Variants in IMMP2L observed in about 807,000 individuals in gnomAD.
The protein encoded by IMMP2L is mitochondrial inner membrane protease subunit 2.
IMMP2L carries 18 observed loss-of-function variants against 19.3 expected under a neutral mutation model. The observed-to-expected ratio is 0.93, with a 90% CI of 0.64 to 1.38. The LOEUF is 1.38. IMMP2L is among the 40% of genes most tolerant of loss of function. The pLI is 0.00. For missense variants in IMMP2L, 233 were observed against 218.2 expected, an observed-to-expected ratio of 1.07 and a Z score of -0.43; for synonymous variants, 76 against 73.0, an observed-to-expected ratio of 1.04 and a Z score of -0.21.
intron 3 of IMMP2L, among the ~76,000 whole-genome samples, chr7:111,447,054 A>C (rs1235199276): frequency 7.0e-6 from 1 of 142,600 alleles, no homozygotes; most frequent in African/African-American, 2.7e-5. Flanking sequence ...ATATGGGACT[A>C]TGTGAAAAGA....
chr7:110,663,332 G>T lies in IMMP2L; in HGVS notation c.*270C>A. The stretch of plus-strand genomic sequence containing the variant: ...AAATTCAGCCCCATTAAGACATGTG[G>T]GTGCAATATTTTTATATTCCCAAAG... On this transcript the variant is annotated 3_prime_UTR_variant, in exon 6 of 6. Coordinates refer to ENST00000405709, the MANE Select transcript of IMMP2L (RefSeq NM_032549.4). 7.1e-6 allele frequency: 2 copies of T among 282,802 alleles called. No individual in the cohort carries two copies. Among genetic ancestry groups the T allele is most frequent in the Non-Finnish European group, 6.6e-6 (1 of 151,406 alleles). The allele number at this position is 282,802 out of a possible 1,614,324, so 17.5% of individuals were successfully genotyped here.
At chr7:111,313,431 C>T (rs986938795) in intron 3 of IMMP2L, among the ~76,000 whole-genome samples, 1 of 151,992 alleles carries the variant, frequency 6.6e-6, no homozygotes, top group Admixed American at 6.6e-5. Flanking sequence ...TGTCACAAAA[C>T]CAAACAATAA....
chr7:111,177,670 C>T (rs1807228800), intron 3 of IMMP2L, among the ~76,000 whole-genome samples: 1 of 152,020 alleles, frequency 6.6e-6, no homozygotes, highest in Non-Finnish European at 1.5e-5. Flanking sequence ...GCAACTAGAA[C>T]CATTGTTATT....
intron 5 of IMMP2L, among the ~76,000 whole-genome samples, chr7:110,867,434 G>A (rs1315775074): frequency 6.6e-6 from 1 of 151,980 alleles, no homozygotes; most frequent in East Asian, 1.9e-4. Context: ...GCATAGCAGT[G>A]AGAAAATGCT....
intron 3 of IMMP2L, among the ~76,000 whole-genome samples, chr7:111,415,729 A>C (rs554142654): frequency 4.6e-5 from 7 of 151,840 alleles, no homozygotes; most frequent in Non-Finnish European, 8.8e-5. Flanking sequence ...TGAGAATAAA[A>C]TGCAACAACA....
chr7:111,133,969 C>T (rs1398087769), intron 3 of IMMP2L, among the ~76,000 whole-genome samples: 1 of 151,978 alleles, frequency 6.6e-6, no homozygotes, highest in African/African-American at 2.4e-5. Flanking sequence ...CAAAATGTCA[C>T]TCCAGCTTTC....
Position 111,410,949 on chromosome 7 carries a change from A to T in IMMP2L, c.239+76289T>A, listed in dbSNP as rs184532462. Among the ~76,000 whole-genome samples the T allele has an allele frequency of 6.6e-5, 10 of 151,728 alleles. No individual in the cohort carries two copies. The East Asian group carries it at 1.7e-3, about 26-fold the overall frequency. On this transcript the variant is annotated intron_variant, in intron 3 of 5. Transcript: ENST00000405709. Reference sequence around the variant, plus strand: ...ATAATTCAAGCACTAAAATAAGAGGAAAGAGGTCAAGAAAATATTTAAAGA... The same window carrying T: ...ATAATTCAAGCACTAAAATAAGAGGTAAGAGGTCAAGAAAATATTTAAAGA...
At chr7:110,796,122 A>T (rs751522699) in intron 5 of IMMP2L, among the ~76,000 whole-genome samples, 18 of 151,962 alleles carry the variant, frequency 1.2e-4, no homozygotes, top group Non-Finnish European at 1.9e-4. Flanking sequence ...GTGAAGAAGG[A>T]TGTGTTTGTT....
chr7:110,922,044 C>A (rs1814353727), intron 4 of IMMP2L, among the ~76,000 whole-genome samples: 1 of 152,164 alleles, frequency 6.6e-6, no homozygotes, highest in Non-Finnish European at 1.5e-5. Flanking sequence ...ACATTAACAG[C>A]CACAGTATTT....
At chr7:111,407,525 A>C (rs1834002566) in intron 3 of IMMP2L, among the ~76,000 whole-genome samples, 1 of 152,096 alleles carries the variant, frequency 6.6e-6, no homozygotes, top group Admixed American at 6.6e-5. Context: ...CCTCAGAAAC[A>C]TTACACTCAG....
intron 5 of IMMP2L, among the ~76,000 whole-genome samples, chr7:110,770,952 C>T (rs1159970825): frequency 6.6e-6 from 1 of 152,106 alleles, no homozygotes. Flanking sequence ...TTACATAGCA[C>T]TTGCTCTGTG....
chr7:111,206,620 C>T (rs1344025820), intron 3 of IMMP2L, among the ~76,000 whole-genome samples: 1 of 151,986 alleles, frequency 6.6e-6, no homozygotes, highest in Non-Finnish European at 1.5e-5. Flanking sequence ...AATGGAATTA[C>T]CTCAAGCATT....
chr7:110,889,979 T>C (rs1031655358), intron 4 of IMMP2L, among the ~76,000 whole-genome samples: 1 of 152,212 alleles, frequency 6.6e-6, no homozygotes, highest in Non-Finnish European at 1.5e-5. Context: ...CAGAACCCAA[T>C]AAATGGTAGT....
At chr7:110,962,967 T>C in intron 4 of IMMP2L, 1 of 1,461,280 alleles carries the variant, frequency 6.8e-7, no homozygotes, top group Non-Finnish European at 9.0e-7. Flanking sequence ...GCAAGTACAA[T>C]AAATACGACA....
intron 3 of IMMP2L, among the ~76,000 whole-genome samples, chr7:111,299,792 T>C (rs1365590941): frequency 6.6e-6 from 1 of 152,052 alleles, no homozygotes; most frequent in African/African-American, 2.4e-5. Flanking sequence ...TACTTGCATA[T>C]GGTCTGTTTA....
At chr7:111,056,261 C>G (rs535155534) in intron 3 of IMMP2L, among the ~76,000 whole-genome samples, 6 of 152,310 alleles carry the variant, frequency 3.9e-5, no homozygotes, top group African/African-American at 1.4e-4. Context: ...AAACACTACA[C>G]TAATGACCTT....
intron 3 of IMMP2L, among the ~76,000 whole-genome samples, chr7:111,142,363 A>G (rs1701852863): frequency 6.7e-6 from 1 of 148,986 alleles, no homozygotes; most frequent in Admixed American, 6.7e-5. Context: ...AAAGAAAGAA[A>G]GAAAGAATAG....
chr7:111,174,703 T>C (rs1806842288), intron 3 of IMMP2L, among the ~76,000 whole-genome samples: 1 of 151,804 alleles, frequency 6.6e-6, no homozygotes, highest in African/African-American at 2.4e-5. Flanking sequence ...CCATAAAGCA[T>C]GTGCATGGAA....
At chr7:111,381,472 G>C (rs1388085426) in intron 3 of IMMP2L, among the ~76,000 whole-genome samples, 1 of 151,916 alleles carries the variant, frequency 6.6e-6, no homozygotes, top group Non-Finnish European at 1.5e-5. Flanking sequence ...AATACCACCT[G>C]TTTATTTTTA....
Sources: gnomAD v4.1 joint callset for allele counts (sites outside exome capture counted in the v4.1 genomes callset) on GRCh38, gnomAD v4.1.1 for gene constraint, MANE v1.5 for transcripts, NCBI Gene and HGNC (gene_info 2026-07-23, HGNC 2026-07-21) for gene names.